LIN7A: variants seen among roughly 807,000 people sequenced by gnomAD.
The protein encoded by LIN7A is protein lin-7 homolog A.
In LIN7A, 25 loss-of-function variants were observed where a neutral mutation model predicts 29.8. The observed-to-expected ratio is 0.84, with a 90% confidence interval of 0.61 to 1.17. LIN7A has a LOEUF of 1.17. LIN7A is among the 50% of genes most tolerant of loss of function. The pLI, the probability that LIN7A is intolerant of heterozygous loss-of-function variation, is 0.00. For missense variants in LIN7A, 239 were observed against 287.0 expected (o/e 0.83, Z 1.21); for synonymous variants, 118 against 107.5 (o/e 1.10, Z -0.60).
At chr12:80,827,077 G>A (rs1390426691) in intron 4 of LIN7A, among the ~76,000 whole-genome samples, 1 of 152,008 alleles carries the variant, frequency 6.6e-6, no homozygotes, top group African/African-American at 2.4e-5. Context: ...TCCCATATAT[G>A]CAAAATGGCA....
At chr12:80,889,416 C>T (rs1479032304) in intron 1 of LIN7A, 47 bp from the exon 2 acceptor site, 2 of 1,171,966 alleles carry the variant, frequency 1.7e-6, no homozygotes, top group Non-Finnish European at 2.5e-6. Context: ...TAAATTGTAT[C>T]TCATCAGCTG....
intron 2 of LIN7A, among the ~76,000 whole-genome samples, chr12:80,848,636 A>G (rs1046315228): frequency 6.6e-6 from 1 of 152,154 alleles, no homozygotes; most frequent in Non-Finnish European, 1.5e-5. Flanking sequence ...AAGTACAGAA[A>G]AAAAAAAACT....
intron 5 of LIN7A, among the ~76,000 whole-genome samples, chr12:80,806,105 G>A (rs911158239): frequency 6.6e-6 from 1 of 151,570 alleles, no homozygotes; most frequent in Non-Finnish European, 1.5e-5. Flanking sequence ...ACAAAAAATA[G>A]TGGCTTTCCC....
chr12:80,849,625 A>G (rs4143658), intron 2 of LIN7A, among the ~76,000 whole-genome samples: 16,110 of 152,076 alleles, frequency 0.11, 966 homozygotes, highest in Middle Eastern at 0.21. Flanking sequence ...GCAAATACCT[A>G]CAGGAGTCAA....
At chr12:80,830,494 A>G (rs1265924640) in intron 4 of LIN7A, among the ~76,000 whole-genome samples, 1 of 152,100 alleles carries the variant, frequency 6.6e-6, no homozygotes, top group East Asian at 1.9e-4. Context: ...AGTATTTTCC[A>G]TTACTTTTGT....
intron 1 of LIN7A, among the ~76,000 whole-genome samples, chr12:80,898,000 G>T (rs1346649791): frequency 6.6e-6 from 1 of 151,954 alleles, no homozygotes; most frequent in Non-Finnish European, 1.5e-5. Flanking sequence ...GTTAGGTTTT[G>T]GTTTTGTTGC....
intron 4 of LIN7A, among the ~76,000 whole-genome samples, chr12:80,828,309 C>CA (rs1872181369): frequency 6.6e-6 from 1 of 151,808 alleles, no homozygotes; most frequent in Admixed American, 6.6e-5. Flanking sequence ...CAAAATTAAA[C>CA]AAAAAACCAT....
intron 5 of LIN7A, among the ~76,000 whole-genome samples, chr12:80,807,063 GTTTTTTTTTTT>G (rs71094991): frequency 1.1e-4 from 6 of 53,592 alleles, no homozygotes; most frequent in African/African-American, 5.2e-4. Flanking sequence ...TGAAGATGGA[GTTTTTTTTTTT>G]TTTTTTTTTT....
rs954750511 is a variant in LIN7A, at chr12:80,796,098, G to T, written c.*1629C>A. ...CAACAGGGCATAATAAAATGTGCTG[G>T]GTAGTTTTGATTGGTTTTGTTTTAT... On this transcript the variant is annotated 3_prime_UTR_variant, in exon 6 of 6. Coordinates refer to ENST00000552864, the MANE Select transcript of LIN7A (RefSeq NM_004664.4). 6.6e-6 allele frequency: 1 copy of T among 152,088 alleles called. No homozygotes were observed. The highest frequency in any genetic ancestry group is 1.5e-5 in the Non-Finnish European group (1 of 67,982). The allele number at this position is 152,088 out of a possible 1,614,324, so 9.4% of individuals were successfully genotyped here.
At chr12:80,806,096 C>A (rs985344408) in intron 5 of LIN7A, among the ~76,000 whole-genome samples, 10 of 151,482 alleles carry the variant, frequency 6.6e-5, no homozygotes, top group African/African-American at 2.4e-4. Flanking sequence ...AAAAAACAAA[C>A]AAAAAATAGT....
chr12:80,868,777 A>G (rs1874274506), intron 2 of LIN7A, among the ~76,000 whole-genome samples: 1 of 152,200 alleles, frequency 6.6e-6, no homozygotes, highest in Non-Finnish European at 1.5e-5. Context: ...TTAACTGAAG[A>G]TAAACTATGT....
intron 2 of LIN7A, among the ~76,000 whole-genome samples, chr12:80,881,648 TAC>T (rs1875046582): frequency 1.4e-5 from 2 of 147,466 alleles, no homozygotes; most frequent in African/African-American, 4.9e-5. Flanking sequence ...TATATATATG[TAC>T]ACACACATAT....
rs577559532 is a variant in LIN7A, at chr12:80,937,442, G to A, written c.82+199C>T. On this transcript the variant is annotated intron_variant, in intron 1 of 5. Coordinates refer to ENST00000552864, the MANE Select transcript of LIN7A (RefSeq NM_004664.4). The stretch of plus-strand genomic sequence containing the variant: ...TCCCCTCGGCGGGGCGAGTACAGTG[G>A]GAAGGGGCAGCGGGAACGTAGCGGG... 1.2e-5 allele frequency: 5 copies of A among 407,562 alleles called. No homozygotes were observed. In the South Asian group the frequency reaches 3.9e-4, roughly 32 times the overall value. The allele number at this position is 407,562 out of a possible 1,614,324, so 25.2% of individuals were successfully genotyped here. A position where few individuals can be genotyped will look rare whatever the true frequency, so the allele number is the denominator to read the frequency against.
intron 1 of LIN7A, among the ~76,000 whole-genome samples, chr12:80,929,861 T>C (rs1192828008): frequency 6.6e-6 from 1 of 152,198 alleles, no homozygotes; most frequent in Non-Finnish European, 1.5e-5. Context: ...CAGCAATTAC[T>C]GCTCTTCTCC....
intron 5 of LIN7A, among the ~76,000 whole-genome samples, chr12:80,804,076 T>A (rs929231649): frequency 6.6e-6 from 1 of 152,158 alleles, no homozygotes; most frequent in Non-Finnish European, 1.5e-5. Context: ...TTTTAAATTT[T>A]TTTAATTTTT....
chr12:80,888,413 C>G (rs1424063449), intron 2 of LIN7A, among the ~76,000 whole-genome samples: 2 of 152,120 alleles, frequency 1.3e-5, no homozygotes, highest in Non-Finnish European at 2.9e-5. Flanking sequence ...GGTGGAGTAA[C>G]ACAAGCATTC....
chr12:80,891,689 C>T (rs1875633877), intron 1 of LIN7A, among the ~76,000 whole-genome samples: 1 of 152,014 alleles, frequency 6.6e-6, no homozygotes, highest in Non-Finnish European at 1.5e-5. Context: ...CAGGATTGTC[C>T]ATGGATGTAT....
intron 1 of LIN7A, among the ~76,000 whole-genome samples, chr12:80,899,364 G>C (rs531702664): frequency 6.6e-6 from 1 of 152,306 alleles, no homozygotes; most frequent in East Asian, 1.9e-4. Flanking sequence ...TTTTTGATGT[G>C]ATGCTGGAGT....
chr12:80,877,196 A>G lies in LIN7A; in HGVS notation c.201+12055T>C, dbSNP rs1345561855. Among the ~76,000 whole-genome samples the G allele has an allele frequency of 2.6e-5, 4 of 151,778 alleles. No homozygotes were observed. The South Asian group carries it at 6.2e-4, about 24-fold the overall frequency. ...TTCCACATGTACACAAATACCCCAG[A>G]GAAGCCTTGGTCATCTAACCAGAGA... On this transcript the variant is annotated intron_variant, in intron 2 of 5. Transcript: ENST00000552864.
Sources: gnomAD v4.1 joint callset for allele counts (sites outside exome capture counted in the v4.1 genomes callset) on GRCh38, gnomAD v4.1.1 for gene constraint, MANE v1.5 for transcripts, NCBI Gene and HGNC (gene_info 2026-07-23, HGNC 2026-07-21) for gene names.